The following SGK1 variants were observed in gnomAD, a reference collection of about 807,000 sequenced individuals.
The protein encoded by SGK1 is serine/threonine-protein kinase Sgk1.
SGK1 carries 26 observed loss-of-function variants against 64.2 expected under a neutral mutation model. The observed-to-expected ratio is 0.40, with a 90% CI of 0.30 to 0.56. The LOEUF is 0.56. Ranked by LOEUF, SGK1 falls within the 20% of genes least tolerant of loss-of-function variation. SGK1 has a pLI of 0.38. For missense variants in SGK1, 519 were observed against 645.6 expected, an observed-to-expected ratio of 0.80 and a Z score of 2.12; for synonymous variants, 265 against 239.7, an observed-to-expected ratio of 1.11 and a Z score of -0.98.
chr6:134,199,980 T>C (rs1582705650), intron 3 of SGK1, among the ~76,000 whole-genome samples: 2 of 152,340 alleles, frequency 1.3e-5, no homozygotes, highest in East Asian at 3.9e-4. Flanking sequence ...AAGAACATTA[T>C]CTGTGTTGCC....
At chr6:134,297,572 G>C (rs7752958) in intron 1 of SGK1, 2 of 498,626 alleles carry the variant, frequency 4.0e-6, no homozygotes, top group South Asian at 1.6e-5. Context: ...GCACGATCTC[G>C]GCTCACTGCA....
chr6:134,265,608 TTA>T (rs1562268992), intron 1 of SGK1, among the ~76,000 whole-genome samples: 3 of 140,866 alleles, frequency 2.1e-5, no homozygotes, highest in Non-Finnish European at 4.5e-5. Flanking sequence ...CATATATATT[TTA>T]TATATATACA....
intron 2 of SGK1, among the ~76,000 whole-genome samples, chr6:134,218,022 C>T (rs144755856): frequency 1.3e-5 from 2 of 152,314 alleles, no homozygotes; most frequent in East Asian, 1.9e-4. Context: ...TACACAAGGT[C>T]AAGATATTCA....
chr6:134,293,712 T>C (rs2114782806), intron 1 of SGK1, among the ~76,000 whole-genome samples: 2 of 152,276 alleles, frequency 1.3e-5, no homozygotes, highest in Middle Eastern at 3.4e-3. Context: ...AGATGATTTA[T>C]GGAGACACTG....
At chr6:134,177,101 T>C (rs1763526) in intron 3 of SGK1, among the ~76,000 whole-genome samples, 111,533 of 151,942 alleles carry the variant, frequency 0.73, 42,172 homozygotes, top group African/African-American at 0.9. Flanking sequence ...GTAGTCCCAG[T>C]TACTCGGGAG....
At chr6:134,197,864 TA>T (rs1775619392) in intron 3 of SGK1, among the ~76,000 whole-genome samples, 1 of 133,316 alleles carries the variant, frequency 7.5e-6, no homozygotes, top group Non-Finnish European at 1.6e-5. Context: ...AAAATTAAAT[TA>T]AAATAAAATA....
intron 2 of SGK1, chr6:134,260,653 C>G (rs887093302): frequency 9.6e-6 from 1 of 104,098 alleles, no homozygotes; most frequent in East Asian, 2.7e-4. Context: ...GTCTGGGCAA[C>G]AAGAGTGAAA....
chr6:134,256,088 C>CTTTTTTT (rs68106923), intron 2 of SGK1, among the ~76,000 whole-genome samples: 1 of 139,244 alleles, frequency 7.2e-6, no homozygotes, highest in Non-Finnish European at 1.5e-5. Flanking sequence ...GTCCTTTTTC[C>CTTTTTTT]TTTTTTTTTT....
intron 2 of SGK1, among the ~76,000 whole-genome samples, chr6:134,248,713 A>G (rs1776562610): frequency 6.6e-6 from 1 of 152,118 alleles, no homozygotes; most frequent in African/African-American, 2.4e-5. Flanking sequence ...TTGTCTCCTC[A>G]TATACAACCA....
At chr6:134,278,330 T>C (rs143198618) in intron 1 of SGK1, among the ~76,000 whole-genome samples, 15 of 152,348 alleles carry the variant, frequency 9.8e-5, no homozygotes, top group Middle Eastern at 3.4e-3. Flanking sequence ...AGGGCAGTTG[T>C]TTAAAAATCT....
intron 2 of SGK1, among the ~76,000 whole-genome samples, chr6:134,242,006 T>C (rs1776455528): frequency 6.6e-6 from 1 of 151,906 alleles, no homozygotes; most frequent in Non-Finnish European, 1.5e-5. Flanking sequence ...GACCGAATGG[T>C]GTTTACTGTC....
intron 4 of SGK1, 141 bp from the exon 5 acceptor site, chr6:134,174,221 G>C (rs753645913): frequency 3.1e-6 from 2 of 634,986 alleles, no homozygotes; most frequent in African/African-American, 1.8e-5. Context: ...ACATTAGTCA[G>C]TTAAAGAAAA....
chr6:134,213,701 T>C (rs571538151), intron 2 of SGK1, among the ~76,000 whole-genome samples: 47 of 152,118 alleles, frequency 3.1e-4, no homozygotes, highest in African/African-American at 1.1e-3. Flanking sequence ...AGTTGGAAGC[T>C]AAAGAAGTGA....
At chr6:134,240,904 G>T (rs190714057) in intron 2 of SGK1, among the ~76,000 whole-genome samples, 1 of 152,262 alleles carries the variant, frequency 6.6e-6, no homozygotes, top group Non-Finnish European at 1.5e-5. Flanking sequence ...GTTAGTGCCC[G>T]CCGAACTCTT....
rs991443241 is a variant in SGK1, at chr6:134,237,318, A to T, written c.285+24615T>A. Among the ~76,000 whole-genome samples, 5 of 151,692 alleles carry T rather than the reference A, an allele frequency of 3.3e-5. No individual in the cohort carries two copies. In the South Asian group the frequency reaches 8.3e-4, roughly 25 times the overall value. ...GTGATCTACCCACTCTGGCCTCCCA[A>T]CGTGCTAAGATTACAGTCATGAGCC... On this transcript the variant is annotated intron_variant, in intron 2 of 13. Transcript: ENST00000367858.
At chr6:134,206,807 C>T (rs1447353521) in intron 3 of SGK1, among the ~76,000 whole-genome samples, 2 of 146,088 alleles carry the variant, frequency 1.4e-5, no homozygotes, top group Non-Finnish European at 3.0e-5. Flanking sequence ...GTGGAGGTTG[C>T]AGTGAGCCGA....
chr6:134,263,708 A>T (rs145941991), intron 1 of SGK1, among the ~76,000 whole-genome samples: 46 of 152,324 alleles, frequency 3.0e-4, no homozygotes, highest in African/African-American at 1.0e-3. Flanking sequence ...GTATTTATAC[A>T]GCATTTCAAA....
chr6:134,299,578 G>T (rs1777415164), intron 1 of SGK1, among the ~76,000 whole-genome samples: 1 of 152,120 alleles, frequency 6.6e-6, no homozygotes, highest in African/African-American at 2.4e-5. Flanking sequence ...GTGCAGAACA[G>T]GGAGGACTTT....
At chr6:134,256,485 C>T (rs1210796920) in intron 2 of SGK1, among the ~76,000 whole-genome samples, 3 of 152,122 alleles carry the variant, frequency 2.0e-5, no homozygotes, top group Non-Finnish European at 4.4e-5. Context: ...ACCAGATTTC[C>T]TTCTCCACCT....
Sources: allele counts gnomAD v4.1 joint callset (sites outside exome capture counted in the v4.1 genomes callset), GRCh38; gene constraint gnomAD v4.1.1; transcripts MANE v1.5; gene names NCBI Gene and HGNC (gene_info 2026-07-23, HGNC 2026-07-21).